The following VOPP1 variants were observed in gnomAD, a reference collection of about 807,000 sequenced individuals.
The protein encoded by VOPP1 is VOPP1 WW domain binding protein, also known as WW domain binding protein VOPP1.
Under a neutral mutation model 23.5 loss-of-function variants are expected in VOPP1, and 8 were observed. The ratio of observed to expected loss-of-function variants is 0.34; its 90% CI spans 0.20 to 0.61. The LOEUF (loss-of-function observed/expected upper bound fraction) is 0.61. Ranked by LOEUF, VOPP1 falls within the 20% of genes least tolerant of loss-of-function variation. The pLI, the probability that VOPP1 is intolerant of heterozygous loss-of-function variation, is 0.78. For missense variants in VOPP1, 174 were observed against 238.1 expected, an observed-to-expected ratio of 0.73 and a Z score of 1.77; for synonymous variants, 83 against 97.3, an observed-to-expected ratio of 0.85 and a Z score of 0.86.
intron 1 of VOPP1, among the ~76,000 whole-genome samples, chr7:55,554,946 T>C (rs1336716618): frequency 6.6e-6 from 1 of 151,980 alleles, no homozygotes; most frequent in African/African-American, 2.4e-5. Flanking sequence ...GAGATGAGGG[T>C]CTGGGAATGG....
intron 4 of VOPP1, among the ~76,000 whole-genome samples, chr7:55,477,223 T>G (rs1245744447): frequency 1.3e-5 from 2 of 152,194 alleles, no homozygotes; most frequent in Non-Finnish European, 2.9e-5. Flanking sequence ...ATGCAGCAGT[T>G]GCCTAGTATG....
At chr7:55,489,799 C>A (rs2129017757) in intron 4 of VOPP1, among the ~76,000 whole-genome samples, 1 of 152,230 alleles carries the variant, frequency 6.6e-6, no homozygotes, top group Non-Finnish European at 1.5e-5. Context: ...CTACTTGGTG[C>A]CTGAGACCAT....
chr7:55,546,704 C>T (rs938112531), intron 1 of VOPP1, among the ~76,000 whole-genome samples: 4 of 152,188 alleles, frequency 2.6e-5, no homozygotes, highest in Non-Finnish European at 5.9e-5. Flanking sequence ...ATATATTGTG[C>T]TCCCCCGCCA....
chr7:55,461,975 T>G (rs1379213549), intron 4 of VOPP1, among the ~76,000 whole-genome samples: 1 of 152,222 alleles, frequency 6.6e-6, no homozygotes, highest in African/African-American at 2.4e-5. Flanking sequence ...AATATCAGCC[T>G]TTTGCTTTCA....
chr7:55,469,339 G>A (rs114105638), downstream of VOPP1, among the ~76,000 whole-genome samples: 2,293 of 152,194 alleles, frequency 0.015, 64 homozygotes, highest in African/African-American at 0.051. Flanking sequence ...TGGTGTTTTA[G>A]ATGACTGTCA....
At chr7:55,482,163 A>G (rs936614228) in intron 4 of VOPP1, among the ~76,000 whole-genome samples, 14 of 152,280 alleles carry the variant, frequency 9.2e-5, no homozygotes, top group African/African-American at 2.9e-4. Context: ...AAATCTATGG[A>G]ATATTTCTCA....
chr7:55,477,776 T>G (rs1302366843), intron 4 of VOPP1, among the ~76,000 whole-genome samples: 1 of 152,182 alleles, frequency 6.6e-6, no homozygotes, highest in Non-Finnish European at 1.5e-5. Context: ...AGAAAATGAA[T>G]AAACTGTGTA....
intron 2 of VOPP1, among the ~76,000 whole-genome samples, chr7:55,512,429 A>C (rs990768509): frequency 6.6e-6 from 1 of 152,212 alleles, no homozygotes; most frequent in Non-Finnish European, 1.5e-5. Flanking sequence ...GTTTCAAAAA[A>C]AAAAGGAAAA....
intron 1 of VOPP1, chr7:55,562,095 G>A (rs1201852113): frequency 2.8e-6 from 2 of 702,670 alleles, no homozygotes; most frequent in South Asian, 3.0e-5. Context: ...GCAGGTAATT[G>A]TTCGAAACTC....
intron 4 of VOPP1, among the ~76,000 whole-genome samples, chr7:55,478,942 AG>A (rs1205561979): frequency 6.6e-6 from 1 of 152,014 alleles, no homozygotes; most frequent in East Asian, 1.9e-4. Context: ...GGAGAGTTGG[AG>A]GGGGAAGAGC....
In VOPP1 at chr7:55,485,300, A is replaced by T. The variant is rs184881022; in HGVS notation, c.328+6982T>A. 4.1e-3 allele frequency among the ~76,000 whole-genome samples: 623 copies of T among 152,354 alleles called. 1 individual carries two copies. Among genetic ancestry groups the T allele is most frequent in the Non-Finnish European group, 6.6e-3 (449 of 68,026 alleles). Reference sequence around the variant, plus strand: ...ACCAAGGCTGAAAATACTGATACTCAACAAACAGCAGACACAAAAACACCA... The same window carrying T: ...ACCAAGGCTGAAAATACTGATACTCTACAAACAGCAGACACAAAAACACCA... On this transcript the variant is annotated intron_variant, in intron 4 of 4. Transcript: ENST00000285279.
downstream of VOPP1, among the ~76,000 whole-genome samples, chr7:55,468,284 A>AAAAGAAAAAAAAAAAAG (rs1562888688): frequency 6.8e-6 from 1 of 147,272 alleles, no homozygotes; most frequent in African/African-American, 2.5e-5. Context: ...AAAAAAAAAA[A>AAAAGAAAAAAAAAAAAG]AAAAGAAAAA....
At chr7:55,569,084 C>T (rs1415762427) in intron 1 of VOPP1, among the ~76,000 whole-genome samples, 1 of 152,212 alleles carries the variant, frequency 6.6e-6, no homozygotes, top group African/African-American at 2.4e-5. Flanking sequence ...GAGATAAAAT[C>T]AGGGCCCTCA....
intron 1 of VOPP1, among the ~76,000 whole-genome samples, chr7:55,527,285 G>A (rs1324077604): frequency 2.0e-5 from 3 of 152,128 alleles, no homozygotes; most frequent in African/African-American, 7.2e-5. Flanking sequence ...TTATCTCCAA[G>A]AAACCTTGAT....
intron 3 of VOPP1, among the ~76,000 whole-genome samples, chr7:55,493,555 ACAGGAATGACT>A (rs1284574071): frequency 6.6e-6 from 1 of 152,240 alleles, no homozygotes; most frequent in Non-Finnish European, 1.5e-5. Flanking sequence ...GAGGCACGAG[ACAGGAATGACT>A]CAGGAAAGAC....
At chr7:55,524,436 C>T (rs117493071) in intron 1 of VOPP1, among the ~76,000 whole-genome samples, 1,673 of 152,284 alleles carry the variant, frequency 0.011, 11 homozygotes, top group Middle Eastern at 0.02. Flanking sequence ...TTGCTAATAT[C>T]CTGGAAACTG....
At chr7:55,462,611 C>A (rs1052627554) in intron 4 of VOPP1, among the ~76,000 whole-genome samples, 7 of 148,896 alleles carry the variant, frequency 4.7e-5, no homozygotes, top group Non-Finnish European at 8.9e-5. Context: ...TTCAGAAATT[C>A]TTTCTTCTGC....
intron 4 of VOPP1, among the ~76,000 whole-genome samples, chr7:55,436,930 T>C (rs1267200489): frequency 6.6e-6 from 1 of 152,164 alleles, no homozygotes; most frequent in East Asian, 1.9e-4. Context: ...ACTTGTGGCT[T>C]TCATAGGATC....
intron 4 of VOPP1, among the ~76,000 whole-genome samples, chr7:55,484,787 C>T (rs1793007497): frequency 6.6e-6 from 1 of 152,204 alleles, no homozygotes; most frequent in Non-Finnish European, 1.5e-5. Flanking sequence ...CCCTCAGAGT[C>T]TCCCAAAGCA....
Sources: gnomAD v4.1 joint callset for allele counts (sites outside exome capture counted in the v4.1 genomes callset) on GRCh38, gnomAD v4.1.1 for gene constraint, MANE v1.5 for transcripts, NCBI Gene and HGNC (gene_info 2026-07-23, HGNC 2026-07-21) for gene names.